Variants in TBC1D5 observed in about 807,000 individuals in gnomAD.
TBC1D5 encodes TBC1 domain family member 5, also known as TBC1 domain family, member 5.
A neutral mutation model predicts 100.3 loss-of-function variants in TBC1D5; 75 were observed. The ratio of observed to expected loss-of-function variants is 0.75; its 90% confidence interval spans 0.62 to 0.91. TBC1D5 has a LOEUF of 0.91. Ranked by LOEUF, TBC1D5 falls within the 40% of genes least tolerant of loss-of-function variation. The pLI is 0.00. For missense variants in TBC1D5, 910 were observed against 942.4 expected, an observed-to-expected ratio of 0.97 and a Z score of 0.45; for synonymous variants, 323 against 325.6, an observed-to-expected ratio of 0.99 and a Z score of 0.09.
intron 3 of TBC1D5, among the ~76,000 whole-genome samples, chr3:17,462,702 C>G (rs2095237098): frequency 6.6e-6 from 1 of 152,092 alleles, no homozygotes; most frequent in African/African-American, 2.4e-5. Flanking sequence ...CCTTCTACTG[C>G]TTGCCTATCT....
At chr3:17,322,789 G>C (rs2085591226) in intron 13 of TBC1D5, among the ~76,000 whole-genome samples, 1 of 152,130 alleles carries the variant, frequency 6.6e-6, no homozygotes. Flanking sequence ...AGAAATAACA[G>C]AAAACGAACT....
chr3:17,170,629 C>T (rs1437313205), intron 19 of TBC1D5, among the ~76,000 whole-genome samples: 2 of 152,272 alleles, frequency 1.3e-5, no homozygotes, highest in East Asian at 3.9e-4. Context: ...GAACAAGGAC[C>T]AACGGCCTTT....
intron 1 of TBC1D5, among the ~76,000 whole-genome samples, chr3:17,735,758 C>T (rs559008264): frequency 6.6e-6 from 1 of 152,188 alleles, no homozygotes; most frequent in Non-Finnish European, 1.5e-5. Context: ...AGGAGCACAG[C>T]GGACACCCTG....
chr3:17,341,129 A>G (rs1445155039), intron 13 of TBC1D5, among the ~76,000 whole-genome samples: 1 of 152,246 alleles, frequency 6.6e-6, no homozygotes, highest in East Asian at 1.9e-4. Context: ...TATACTAAAT[A>G]ACAATGGCTA....
At chr3:17,490,130 C>G (rs1174834154) in intron 3 of TBC1D5, among the ~76,000 whole-genome samples, 2 of 152,098 alleles carry the variant, frequency 1.3e-5, no homozygotes, top group African/African-American at 4.8e-5. Context: ...ATCTTTTTGG[C>G]CACATGTATG....
chr3:17,249,613 C>G (rs529859210), intron 16 of TBC1D5, among the ~76,000 whole-genome samples: 23 of 152,222 alleles, frequency 1.5e-4, no homozygotes, highest in Non-Finnish European at 2.5e-4. Context: ...AGAAGTCCAG[C>G]AGATGGTGGC....
At chr3:17,627,630 G>A (rs188872741) in intron 1 of TBC1D5, among the ~76,000 whole-genome samples, 297 of 150,186 alleles carry the variant, frequency 2.0e-3, no homozygotes, top group African/African-American at 6.7e-3. Flanking sequence ...AGAATGTACT[G>A]CAAGGAAGAA....
intron 1 of TBC1D5, among the ~76,000 whole-genome samples, chr3:17,676,931 G>A (rs2068725480): frequency 6.6e-6 from 1 of 152,134 alleles, no homozygotes; most frequent in African/African-American, 2.4e-5. Context: ...AATGGTGCTG[G>A]GAAAACTGGC....
chr3:17,202,196 G>C lies in TBC1D5; in HGVS notation c.1752+12011C>G, dbSNP rs559390529. ...GTCACTTTTGTTATGCATTAGTAAA[G>C]AGACTGGTGGCATTGTGCCCCTGCT... On this transcript the variant is annotated intron_variant, in intron 18 of 21. Transcript: ENST00000253692. Among the ~76,000 whole-genome samples, 3 of 152,354 alleles carry C rather than the reference G, an allele frequency of 2.0e-5. 1 individual carries two copies. The Middle Eastern group carries it at 0.01, about 518-fold the overall frequency.
At chr3:17,410,430 G>C (rs2093893534) in intron 4 of TBC1D5, among the ~76,000 whole-genome samples, 1 of 152,162 alleles carries the variant, frequency 6.6e-6, no homozygotes, top group African/African-American at 2.4e-5. Flanking sequence ...GGCCCATGAA[G>C]TGGGGAGTCA....
intron 9 of TBC1D5, 33 bp from the exon 10 acceptor site, chr3:17,376,646 T>C (rs912038511): frequency 2.5e-6 from 4 of 1,585,584 alleles, no homozygotes; most frequent in Middle Eastern, 1.7e-4. Context: ...ATGAAAGAGA[T>C]GGATACTCAG....
chr3:17,552,257 C>T (rs1417010943), intron 2 of TBC1D5, among the ~76,000 whole-genome samples: 1 of 151,414 alleles, frequency 6.6e-6, no homozygotes, highest in African/African-American at 2.4e-5. Context: ...AGCAAAGGAA[C>T]TAACATGGCT....
At chr3:17,240,932 T>C (rs1475633271) in intron 16 of TBC1D5, among the ~76,000 whole-genome samples, 2 of 152,134 alleles carry the variant, frequency 1.3e-5, no homozygotes, top group Non-Finnish European at 2.9e-5. Context: ...GAAAAACATA[T>C]AGATCAAGTT....
chr3:17,177,908 T>C (rs986816134), intron 19 of TBC1D5, among the ~76,000 whole-genome samples: 1 of 152,192 alleles, frequency 6.6e-6, no homozygotes, highest in Non-Finnish European at 1.5e-5. Flanking sequence ...CTACTCTTTA[T>C]CTCCATGAGT....
At chr3:17,546,744 C>T (rs1167226815) in intron 2 of TBC1D5, among the ~76,000 whole-genome samples, 4 of 148,214 alleles carry the variant, frequency 2.7e-5, no homozygotes, top group Non-Finnish European at 4.4e-5. Context: ...GATGGCGCCA[C>T]TGTACTACAG....
chr3:17,285,762 G>A lies in TBC1D5; in HGVS notation c.1245+6133C>T, dbSNP rs185166360. Among the ~76,000 whole-genome samples, 122 of 152,242 alleles carry A rather than the reference G, an allele frequency of 8.0e-4. 2 individuals are homozygous for A. The East Asian group carries it at 0.012, about 15-fold the overall frequency. On this transcript the variant is annotated intron_variant, in intron 15 of 21. Coordinates refer to ENST00000253692, the Ensembl canonical transcript of TBC1D5. ...ATAGTGAGATTTCTTGGAATTAAAT[G>A]AGTAAAAATTAAAGTACCTATATAC...
intron 2 of TBC1D5, among the ~76,000 whole-genome samples, chr3:17,575,045 C>G (rs1175761858): frequency 6.6e-6 from 1 of 152,032 alleles, no homozygotes; most frequent in African/African-American, 2.4e-5. Flanking sequence ...TTCCAATGTC[C>G]CAGGTGCAAT....
intron 3 of TBC1D5, among the ~76,000 whole-genome samples, chr3:17,445,001 T>C (rs975067219): frequency 1.3e-5 from 2 of 152,178 alleles, no homozygotes; most frequent in African/African-American, 4.8e-5. Flanking sequence ...AAGTCAGTTT[T>C]TGAAATGTGA....
chr3:17,345,170 T>C (rs955635063), intron 13 of TBC1D5, among the ~76,000 whole-genome samples: 1 of 151,896 alleles, frequency 6.6e-6, no homozygotes, highest in Admixed American at 6.6e-5. Context: ...AACCTACTCA[T>C]CTGACAAAGG....
Sources: allele counts gnomAD v4.1 joint callset (sites outside exome capture counted in the v4.1 genomes callset), GRCh38; gene constraint gnomAD v4.1.1; transcripts MANE v1.5; gene names NCBI Gene and HGNC (gene_info 2026-07-23, HGNC 2026-07-21).